SEC14L5: variants seen among roughly 807,000 people sequenced by gnomAD.
The protein encoded by SEC14L5 is SEC14 like lipid binding 5.
A neutral mutation model predicts 84.6 loss-of-function variants in SEC14L5; 96 were observed. That is an observed-to-expected ratio of 1.13 (90% CI 0.96 to 1.34). The LOEUF is 1.34. Ranked by LOEUF, SEC14L5 falls within the 40% of genes most tolerant of loss-of-function variation. The pLI, the probability that SEC14L5 is intolerant of heterozygous loss-of-function variation, is 0.00. For synonymous variants in SEC14L5, 546 were observed against 383.4 expected, an observed-to-expected ratio of 1.42 and a Z score of -4.95; for missense variants, 1,224 against 942.5, an observed-to-expected ratio of 1.30 and a Z score of -3.91.
chr16:4,992,134 C>T (rs1304573367), intron 6 of SEC14L5, 104 bp downstream of exon 6: 5 of 777,266 alleles, frequency 6.4e-6, no homozygotes, highest in Non-Finnish European at 9.9e-6. Context: ...CTGCCGTCCC[C>T]CCTGGGAATG....
At chr16:4,970,519 C>T (rs34890919) in intron 2 of SEC14L5, among the ~76,000 whole-genome samples, 12,406 of 152,188 alleles carry the variant, frequency 0.082, 1,130 homozygotes, top group East Asian at 0.47. Context: ...ATAGTGTTTC[C>T]CCTCTGCGCA....
At chr16:4,962,165 CAAA>C (rs540573784) in intron 2 of SEC14L5, among the ~76,000 whole-genome samples, 6 of 72,964 alleles carry the variant, frequency 8.2e-5, no homozygotes, top group Admixed American at 4.9e-4. Context: ...GACTCTGTCT[CAAA>C]AAAAAAAAAA....
intron 5 of SEC14L5, 114 bp from the exon 6 acceptor site, chr16:4,991,724 G>C (rs1955554922): frequency 1.7e-6 from 1 of 603,150 alleles, no homozygotes; most frequent in Non-Finnish European, 2.8e-6. Flanking sequence ...CCACTCAATA[G>C]CCACGTGTCG....
chr16:5,003,802 C>G (rs1568144912), intron 11 of SEC14L5, among the ~76,000 whole-genome samples: 1 of 152,256 alleles, frequency 6.6e-6, no homozygotes, highest in Non-Finnish European at 1.5e-5. Context: ...CAGAACATTT[C>G]TGTCGCCCCA....
At chr16:5,003,606 T>TGG in intron 11 of SEC14L5, 33 bp downstream of exon 11, 1 of 121,760 alleles carries the variant, frequency 8.2e-6, no homozygotes. Context: ...GGACTCTCCC[T>TGG]GGGGGTGGGT....
At chr16:4,997,164 T>G (rs1955621888) in intron 8 of SEC14L5, 120 bp downstream of exon 8, 1 of 651,776 alleles carries the variant, frequency 1.5e-6, no homozygotes. Flanking sequence ...AGTGGTGCCA[T>G]CTCGGCTCAC....
intron 4 of SEC14L5, 112 bp downstream of exon 4, chr16:4,988,392 C>T: frequency 7.5e-7 from 1 of 1,339,744 alleles, no homozygotes; most frequent in Non-Finnish European, 1.0e-6. Context: ...AGCCCTCCCT[C>T]CTGGGGCATT....
Position 5,007,610 on chromosome 16 carries a change from T to TTTC in SEC14L5, c.1572+126_1572+127insCTT, listed in dbSNP as rs1568149952. The TTTC allele has an allele frequency of 1.1e-5, 8 of 703,082 alleles. No homozygotes were observed. In the African/African-American group the frequency reaches 1.4e-4, roughly 13 times the overall value. The allele number at this position is 703,082 out of a possible 1,614,324, so 43.6% of individuals were successfully genotyped here. A position where few individuals can be genotyped will look rare whatever the true frequency, so the allele number is the denominator to read the frequency against. On this transcript the variant is annotated intron_variant, in intron 13 of 15. Transcript: ENST00000251170. ...CTTTTCTTTCTTTCTTTCTTTCTTT[T>TTTC]TTTTTTTTTTTTTGGGATGGAGTCT... is the stretch of plus-strand genomic sequence containing the variant.
Position 4,991,760 on chromosome 16 carries a change from G to T in SEC14L5, c.475-78G>T, listed in dbSNP as rs1050574023. 16 of 960,372 alleles carry T rather than the reference G, an allele frequency of 1.7e-5. 1 individual carries two copies. The highest frequency in any genetic ancestry group is 2.3e-5 in the Non-Finnish European group (15 of 660,446). 59.5% of individuals were successfully genotyped at this position (960,372 alleles called of 1,614,324 possible). The stretch of plus-strand genomic sequence containing the variant: ...GGGCTGGGACCTGAGCCGGCTGGGG[G>T]TGACTCCCTGTGGTGATCCTGTGAC... On this transcript the variant is annotated intron_variant, in intron 5 of 15. Transcript: ENST00000251170.
chr16:4,961,293 C>CAACAACAACAAG (rs1312007264), intron 2 of SEC14L5, among the ~76,000 whole-genome samples: 2 of 140,626 alleles, frequency 1.4e-5, no homozygotes, highest in African/African-American at 5.0e-5. Flanking sequence ...ACAGCAACAA[C>CAACAACAACAAG]AACAACAACA....
chr16:4,997,171 T>C, intron 8 of SEC14L5, 127 bp downstream of exon 8: 1 of 618,468 alleles, frequency 1.6e-6, no homozygotes, highest in East Asian at 3.4e-5. Flanking sequence ...CCATCTCGGC[T>C]CACCATAATC....
chr16:5,014,811 GC>G (rs1033096716), intron 15 of SEC14L5, 47 bp from the exon 16 acceptor site: 11 of 1,444,940 alleles, frequency 7.6e-6, no homozygotes, highest in Admixed American at 6.8e-5. Context: ...CAGCCCAAGG[GC>G]CTTGTCACTG....
intron 15 of SEC14L5, among the ~76,000 whole-genome samples, chr16:5,013,777 C>T (rs898596030): frequency 6.6e-6 from 1 of 151,886 alleles, no homozygotes; most frequent in Non-Finnish European, 1.5e-5. Flanking sequence ...AGGCTGGTGT[C>T]GAACTCCTGG....
intron 15 of SEC14L5, among the ~76,000 whole-genome samples, chr16:5,013,879 G>A (rs1596649037): frequency 6.6e-6 from 1 of 151,880 alleles, no homozygotes; most frequent in Non-Finnish European, 1.5e-5. Context: ...TTTTTGTAGA[G>A]ATGGGGTCTC....
At chr16:4,964,758 G>A (rs1016189519) in intron 2 of SEC14L5, among the ~76,000 whole-genome samples, 1 of 151,220 alleles carries the variant, frequency 6.6e-6, no homozygotes, top group Non-Finnish European at 1.5e-5. Flanking sequence ...TTCGATACGG[G>A]GTCTCACTGT....
rs772622692 is a variant in SEC14L5 at position 5,000,873 on chromosome 16, G to C, written c.1078G>C (p.Glu360Gln). 2 of 1,608,148 alleles carry C rather than the reference G, an allele frequency of 1.2e-6. No individual in the cohort carries two copies. Among genetic ancestry groups the C allele is most frequent in the South Asian group, 2.2e-5 (2 of 89,784 alleles). ...CTTCCAGGTTCTCTCCGTCAACGAG[G>C]AAGGACAGAAGCGGTGTGAGGGGAG... ...LLRHVLSVNE[E>Q]GQKRCEGSTR... The change falls in exon 10 of 16, where the codon GAA (glutamate) becomes CAA (glutamine). Residue 360 changes from glutamate (E) to glutamine (Q), a missense_variant. Glu to Gln is a conservative substitution (Grantham distance 29, BLOSUM62 2). Transcript: ENST00000251170.
At chr16:5,006,730 C>A (rs1036027293) in intron 12 of SEC14L5, among the ~76,000 whole-genome samples, 1 of 152,194 alleles carries the variant, frequency 6.6e-6, no homozygotes, top group African/African-American at 2.4e-5. Flanking sequence ...TTGTGATGTG[C>A]GGCACACACG....
rs369049963 is a variant in SEC14L5, at chr16:5,004,678, A to C, written c.1302+1105A>C. Among the ~76,000 whole-genome samples the C allele has an allele frequency of 3.9e-5, 6 of 152,230 alleles. No homozygotes were observed. In the South Asian group the frequency reaches 1.0e-3, roughly 26 times the overall value. On this transcript the variant is annotated intron_variant, in intron 11 of 15. Transcript: ENST00000251170. Reference sequence around the variant, plus strand: ...GGCTGGGGACAGGAGAGGGCCCTGCACGGGGGGATTGCAGTTTCCTCACCT... The same window carrying C: ...GGCTGGGGACAGGAGAGGGCCCTGCCCGGGGGGATTGCAGTTTCCTCACCT...
intron 2 of SEC14L5, among the ~76,000 whole-genome samples, chr16:4,974,971 T>A (rs1227558913): frequency 6.6e-6 from 1 of 151,540 alleles, no homozygotes; most frequent in African/African-American, 2.4e-5. Flanking sequence ...AAATATGGGG[T>A]TTCACCATGT....
Sources: allele counts gnomAD v4.1 joint callset (sites outside exome capture counted in the v4.1 genomes callset), GRCh38; gene constraint gnomAD v4.1.1; transcripts MANE v1.5; gene names NCBI Gene and HGNC (gene_info 2026-07-23, HGNC 2026-07-21).